NASP: variants seen among roughly 807,000 people sequenced by gnomAD.
NASP encodes NASP histone chaperone.
A neutral mutation model predicts 89.5 loss-of-function variants in NASP; 24 were observed. The ratio of observed to expected loss-of-function variants is 0.27; its 90% confidence interval spans 0.19 to 0.38. The LOEUF (loss-of-function observed/expected upper bound fraction) is 0.38, where lower values mean the gene tolerates loss of function less well. Ranked by LOEUF, NASP falls within the 10% of genes least tolerant of loss-of-function variation. The probability of loss-of-function intolerance (pLI) is 1.00; values close to 1 mark genes in which losing one functional copy is unlikely to be tolerated. For synonymous variants in NASP, 306 were observed against 324.7 expected, an observed-to-expected ratio of 0.94 and a Z score of 0.62; for missense variants, 848 against 921.4, an observed-to-expected ratio of 0.92 and a Z score of 1.03.
In NASP at chr1:45,607,732, C is replaced by T; in HGVS notation, c.821C>T (p.Pro274Leu). The part of the protein sequence containing the change: ...GEVIVSIEEK[P>L]KEVSEEQPVV... ...GTAATTGTGAGCATAGAGGAGAAGC[C>T]AAAAGAAGTTTCAGAAGAGCAGCCT... is the stretch of plus-strand genomic sequence containing the variant. The change falls in exon 6 of 15, where the codon CCA becomes CTA. Residue 274 changes from proline to leucine, a missense_variant. By Grantham distance (98) the Pro-to-Leu change is moderately conservative. Transcript: ENST00000350030. 6.2e-7 allele frequency: 1 copy of T among 1,613,996 alleles called. No homozygotes were observed. Among genetic ancestry groups the T allele is most frequent in the East Asian group, 2.2e-5 (1 of 44,872 alleles).
chr1:45,600,858 T>C (rs1306768926), intron 2 of NASP, among the ~76,000 whole-genome samples: 2 of 152,228 alleles, frequency 1.3e-5, no homozygotes, highest in African/African-American at 4.8e-5. Flanking sequence ...ATGTGGTCAG[T>C]CTTTTAAAAT....
chr1:45,586,297 GTGT>G (rs1557646695), intron 1 of NASP, among the ~76,000 whole-genome samples: 1 of 91,612 alleles, frequency 1.1e-5, no homozygotes, highest in Admixed American at 1.1e-4. Flanking sequence ...GTGTGTGTGT[GTGT>G]GTGTGTGTGG....
rs566274579 is a variant in NASP at position 45,603,231 on chromosome 1, C to A, written c.218+866C>A. Among the ~76,000 whole-genome samples, 33 of 152,262 alleles carry A rather than the reference C, an allele frequency of 2.2e-4. 1 individual carries two copies. The South Asian group carries it at 6.6e-3, about 31-fold the overall frequency. Reference sequence around the variant, plus strand: ...TGAGAGAAAAAAAAGCAAGTTAAATCGTCAAGCAACAGGCTTTTGGTCTAT... The same window carrying A: ...TGAGAGAAAAAAAAGCAAGTTAAATAGTCAAGCAACAGGCTTTTGGTCTAT... On this transcript the variant is annotated intron_variant, in intron 3 of 14. Transcript: ENST00000350030.
chr1:45,599,452 G>C (rs1158540426), intron 2 of NASP, among the ~76,000 whole-genome samples: 3 of 150,880 alleles, frequency 2.0e-5, no homozygotes, highest in African/African-American at 4.9e-5. Context: ...TTTTGAGATG[G>C]AGTCTCGCCC....
chr1:45,584,565 A>G (rs1644500032), intron 1 of NASP, among the ~76,000 whole-genome samples: 1 of 151,784 alleles, frequency 6.6e-6, no homozygotes, highest in Admixed American at 6.6e-5. Context: ...TTCTGTCCCC[A>G]GCGTGTGCCT....
At chr1:45,616,775 C>A in intron 13 of NASP, 72 bp downstream of exon 13, 1 of 1,388,418 alleles carries the variant, frequency 7.2e-7, no homozygotes, top group Non-Finnish European at 1.0e-6. Flanking sequence ...CCTATAAACC[C>A]CTCCCTATAG....
Position 45,584,153 on chromosome 1 carries a change from A to C in NASP, c.7A>C (p.Met3Leu). The change falls in exon 1 of 15, where the codon ATG becomes CTG. Residue 3 changes from methionine to leucine, a missense_variant. Around this residue, in one of 5 missense-constraint regions of NASP, gnomAD observed 89 missense variants for 79.2 expected, o/e 1.12. Transcript: ENST00000350030. Reference sequence around the variant, plus strand: ...TCGCCACCTCAGGGGAACGATGGCCATGGAGTCCACAGCCACTGCCGCCGT... The same window carrying C: ...TCGCCACCTCAGGGGAACGATGGCCCTGGAGTCCACAGCCACTGCCGCCGT... MA[M>L]ESTATAAVAA... is the part of the protein sequence containing the mutation. 1 of 1,595,324 alleles carries C rather than the reference A, an allele frequency of 6.3e-7. No homozygotes were observed. The highest frequency in any genetic ancestry group is 8.5e-7 in the Non-Finnish European group (1 of 1,171,138).
At chr1:45,607,223 T>C (rs1643921555) in intron 5 of NASP, 98 bp from the exon 6 acceptor site, 1 of 1,276,128 alleles carries the variant, frequency 7.8e-7, no homozygotes, top group Non-Finnish European at 1.1e-6. Flanking sequence ...TTGGTAGGCT[T>C]TTTGAGGGTT....
At chr1:45,594,670 C>G (rs1481408591) in intron 2 of NASP, 1 of 452,064 alleles carries the variant, frequency 2.2e-6, no homozygotes, top group African/African-American at 2.0e-5. Flanking sequence ...CTATGCCTGG[C>G]TAATTTTTGT....
In NASP at chr1:45,608,227, T is replaced by C. The variant is rs766495051; in HGVS notation, c.1316T>C (p.Val439Ala). Residue 439 changes from valine (V) to alanine (A), a missense_variant, in exon 6 of 15, where the codon GTT becomes GCT. Around this residue, in one of 5 missense-constraint regions of NASP, gnomAD observed 464 missense variants for 469.4 expected, o/e 0.99. Coordinates refer to ENST00000350030, the MANE Select transcript of NASP (RefSeq NM_002482.4). Reference protein sequence around the residue: ...VEESEAAGDGVDTKVAQGATE... With the variant: ...VEESEAAGDGADTKVAQGATE... Reference sequence around the variant, plus strand: ...GAGTCTGAGGCAGCTGGAGATGGGGTTGATACCAAGGTAGCCCAGGGAGCT... The same window carrying C: ...GAGTCTGAGGCAGCTGGAGATGGGGCTGATACCAAGGTAGCCCAGGGAGCT... The C allele has an allele frequency of 2.2e-5, 35 of 1,614,094 alleles. No homozygotes were observed. Among genetic ancestry groups the C allele is most frequent in the Admixed American group, 3.3e-5 (2 of 60,016 alleles).
intron 1 of NASP, chr1:45,588,859 G>C (rs1165272923): frequency 1.2e-5 from 3 of 245,648 alleles, no homozygotes; most frequent in Non-Finnish European, 2.5e-5. Flanking sequence ...GGAGCTTGCA[G>C]TGAGCCGAGA....
rs567935913 is a variant in NASP, at chr1:45,602,190, A to G, written c.108-65A>G. Reference sequence around the variant, plus strand: ...AAAAATGAAACTATTGCTCAAATGTAGCAGGTATTCAAAAAATACTGATTT... The same window carrying G: ...AAAAATGAAACTATTGCTCAAATGTGGCAGGTATTCAAAAAATACTGATTT... On this transcript the variant is annotated intron_variant, in intron 2 of 14. Transcript: ENST00000350030. The G allele has an allele frequency of 1.9e-6, 3 of 1,539,724 alleles. No individual in the cohort carries two copies. The East Asian group carries it at 6.9e-5, about 35-fold the overall frequency.
intron 6 of NASP, among the ~76,000 whole-genome samples, chr1:45,608,655 G>C (rs1270358363): frequency 2.0e-5 from 3 of 152,122 alleles, no homozygotes; most frequent in Non-Finnish European, 4.4e-5. Flanking sequence ...GATGGAAAAG[G>C]TAGATGAGGG....
At position 45,613,193 on chromosome 1, in the gene NASP, A is replaced by T; in HGVS notation, c.1451A>T (p.Asp484Val). Residue 484 changes from aspartate to valine, a missense_variant, in exon 7 of 15, where the codon GAT becomes GTT. This residue lies in a region of NASP where 464 missense variants were observed against 469.4 expected (regional missense o/e 0.99). Coordinates refer to ENST00000350030, the MANE Select transcript of NASP (RefSeq NM_002482.4). ...GEETEGSEED[D>V]KENDKTEEMP... is the part of the protein sequence containing the mutation. ...GAAACTGAAGGCTCAGAAGAGGATG[A>T]TAAAGAAAATGATAAGACCGAAGAA... 6.2e-7 allele frequency: 1 copy of T among 1,610,184 alleles called. No individual in the cohort carries two copies. The highest frequency in any genetic ancestry group is 2.2e-5 in the East Asian group (1 of 44,776).
chr1:45,614,462 A>G, intron 9 of NASP, 96 bp downstream of exon 9: 1 of 994,228 alleles, frequency 1.0e-6, no homozygotes, highest in Non-Finnish European at 1.6e-6. Flanking sequence ...CTTTAAAAAG[A>G]TAGGTCTGTG....
chr1:45,594,422 A>G (rs539699903), intron 2 of NASP, among the ~76,000 whole-genome samples: 3 of 152,170 alleles, frequency 2.0e-5, no homozygotes, highest in Non-Finnish European at 2.9e-5. Flanking sequence ...CCTAAACACA[A>G]TACTTTCAAG....
chr1:45,611,250 T>C (rs953353428), intron 6 of NASP: 1 of 152,214 alleles, frequency 6.6e-6, no homozygotes, highest in African/African-American at 2.4e-5. Flanking sequence ...TCTTACCTGG[T>C]ATCTCTTCCT....
At chr1:45,584,277 G>A (rs1334864504) in intron 1 of NASP, 72 bp downstream of exon 1, 1 of 1,418,506 alleles carries the variant, frequency 7.0e-7, no homozygotes, top group Non-Finnish European at 9.7e-7. Context: ...GGGCTCCGGA[G>A]AAGGGGCAGA....
At chr1:45,593,813 G>A (rs1643616069) in intron 2 of NASP, among the ~76,000 whole-genome samples, 1 of 150,602 alleles carries the variant, frequency 6.6e-6, no homozygotes, top group South Asian at 2.1e-4. Flanking sequence ...GACCCCAGGA[G>A]TTCGAGACCA....
Sources: gnomAD v4.1 joint callset for allele counts (sites outside exome capture counted in the v4.1 genomes callset) on GRCh38, gnomAD v4.1.1 for gene constraint, gnomAD v4.1.1 regional missense constraint, MANE v1.5 for transcripts, NCBI Gene and HGNC (gene_info 2026-07-23, HGNC 2026-07-21) for gene names.